CSMD1: variants seen among roughly 807,000 people sequenced by gnomAD.
The protein encoded by CSMD1 is CUB and sushi domain-containing protein 1.
In CSMD1, 213 loss-of-function variants were observed where a neutral mutation model predicts 417.5. The ratio of observed to expected loss-of-function variants is 0.51; its 90% CI spans 0.46 to 0.57. The LOEUF (loss-of-function observed/expected upper bound fraction) is 0.57. Ranked by LOEUF, CSMD1 falls within the 20% of genes least tolerant of loss-of-function variation. The probability of loss-of-function intolerance (pLI) is 0.00; values close to 1 mark genes in which losing one functional copy is unlikely to be tolerated. For synonymous variants in CSMD1, 2,862 were observed against 1,736.8 expected (o/e 1.65, Z -16.11); for missense variants, 6,923 against 4,529.7 (o/e 1.53, Z -15.17).
rs1190901960 is a variant in CSMD1 at position 2,984,971 on chromosome 8, C to G, written c.8378-6171G>C. 2.0e-5 allele frequency among the ~76,000 whole-genome samples: 3 copies of G among 152,132 alleles called. No individual in the cohort carries two copies. The East Asian group carries it at 5.8e-4, about 29-fold the overall frequency. On this transcript the variant is annotated intron_variant, in intron 54 of 69. Coordinates refer to ENST00000635120, the MANE Select transcript of CSMD1 (RefSeq NM_033225.6). ...TTGAAAATGTTTTAAAGTATAACTT[C>G]TTTAAGTTTGAATTTTAAGTTAACA...
At chr8:4,308,695 G>A (rs775219644) in intron 3 of CSMD1, among the ~76,000 whole-genome samples, 1 of 152,166 alleles carries the variant, frequency 6.6e-6, no homozygotes, top group African/African-American at 2.4e-5. Context: ...TGCTTTTGGA[G>A]TTTAATTGCA....
At chr8:4,968,895 T>A (rs1374336568) in intron 1 of CSMD1, among the ~76,000 whole-genome samples, 3 of 152,188 alleles carry the variant, frequency 2.0e-5, no homozygotes, top group East Asian at 1.9e-4. Context: ...GTCTCTCGGG[T>A]TGCCACCAAC....
intron 3 of CSMD1, among the ~76,000 whole-genome samples, chr8:4,401,000 T>C (rs1174797927): frequency 1.3e-5 from 2 of 152,156 alleles, no homozygotes; most frequent in East Asian, 1.9e-4. Flanking sequence ...TTTCTTAACA[T>C]GAAACTGAGT....
intron 2 of CSMD1, among the ~76,000 whole-genome samples, chr8:4,477,017 A>T (rs922937191): frequency 6.6e-6 from 1 of 152,200 alleles, no homozygotes; most frequent in African/African-American, 2.4e-5. Context: ...GGCTGTGGTT[A>T]CAGGGATTTC....
intron 10 of CSMD1, among the ~76,000 whole-genome samples, chr8:3,526,317 AT>A (rs59664767): frequency 0.15 from 22,025 of 150,118 alleles, 1,739 homozygotes; most frequent in Admixed American, 0.23. Flanking sequence ...TTTAAAATAT[AT>A]TTTTTTTTTG....
intron 3 of CSMD1, among the ~76,000 whole-genome samples, chr8:4,348,479 C>T (rs1194709566): frequency 6.6e-6 from 1 of 151,892 alleles, no homozygotes; most frequent in African/African-American, 2.4e-5. Flanking sequence ...CTTCATATTT[C>T]TTTCCACAAA....
At chr8:3,821,712 C>A (rs975678884) in intron 5 of CSMD1, among the ~76,000 whole-genome samples, 12 of 152,066 alleles carry the variant, frequency 7.9e-5, no homozygotes, top group African/African-American at 2.9e-4. Context: ...AACCCAGGAG[C>A]GGGAGGTTGC....
chr8:3,486,498 T>A lies in CSMD1; in HGVS notation c.1448+7125A>T, dbSNP rs77496259. On this transcript the variant is annotated intron_variant, in intron 11 of 69. Coordinates refer to ENST00000635120, the MANE Select transcript of CSMD1 (RefSeq NM_033225.6). ...TTCTGGAAGAGATTCCTGGGTCTTT[T>A]GGGTCTGTAAAAACAGGCATGCATT... Among the ~76,000 whole-genome samples the A allele has an allele frequency of 1.4e-4, 21 of 152,328 alleles. No homozygotes were observed. In the East Asian group the frequency reaches 4.1e-3, roughly 29 times the overall value.
intron 7 of CSMD1, among the ~76,000 whole-genome samples, chr8:3,672,311 G>A (rs79392987): frequency 6.1e-4 from 92 of 151,926 alleles, no homozygotes; most frequent in Non-Finnish European, 1.1e-3. Context: ...AGAATCCTAA[G>A]GTTCTCCCAA....
intron 5 of CSMD1, among the ~76,000 whole-genome samples, chr8:3,941,408 G>A (rs1810874096): frequency 6.6e-6 from 1 of 152,068 alleles, no homozygotes; most frequent in Admixed American, 6.6e-5. Flanking sequence ...GTTTAAAATT[G>A]TAAATATTTC....
intron 1 of CSMD1, among the ~76,000 whole-genome samples, chr8:4,845,059 G>T (rs542936802): frequency 1.2e-3 from 114 of 92,114 alleles, no homozygotes; most frequent in Admixed American, 1.9e-3. Flanking sequence ...ACTAAATAAT[G>T]TAAAAACTAT....
At chr8:3,081,896 T>C (rs1005864887) in intron 49 of CSMD1, among the ~76,000 whole-genome samples, 9 of 152,326 alleles carry the variant, frequency 5.9e-5, no homozygotes, top group East Asian at 1.9e-4. Flanking sequence ...GAGTCACTAC[T>C]GGGGACAGCT....
chr8:4,402,180 C>A (rs1266633023), intron 3 of CSMD1, among the ~76,000 whole-genome samples: 1 of 152,146 alleles, frequency 6.6e-6, no homozygotes, highest in African/African-American at 2.4e-5. Flanking sequence ...ACATCTACTT[C>A]TCCAAAATTG....
chr8:4,657,780 T>G (rs73190831), intron 1 of CSMD1, among the ~76,000 whole-genome samples: 4 of 149,784 alleles, frequency 2.7e-5, no homozygotes, highest in Non-Finnish European at 5.9e-5. Context: ...GAAAAAGACT[T>G]AAACCTACTG....
At chr8:3,565,412 G>C (rs372533258) in intron 10 of CSMD1, among the ~76,000 whole-genome samples, 30 of 152,272 alleles carry the variant, frequency 2.0e-4, no homozygotes, top group East Asian at 3.9e-4. Context: ...TTATAGGAAA[G>C]GGTGGTGTGT....
At chr8:3,926,078 A>C (rs1809664897) in intron 5 of CSMD1, among the ~76,000 whole-genome samples, 1 of 97,458 alleles carries the variant, frequency 1.0e-5, no homozygotes. Context: ...ACACACAAAC[A>C]CCATACACAC....
At chr8:3,833,007 G>A (rs990871270) in intron 5 of CSMD1, among the ~76,000 whole-genome samples, 2 of 152,096 alleles carry the variant, frequency 1.3e-5, no homozygotes, top group African/African-American at 4.8e-5. Context: ...ATATTAAAGT[G>A]TCAGCTGCTA....
chr8:3,802,795 C>G (rs1343686843), intron 5 of CSMD1, among the ~76,000 whole-genome samples: 5 of 152,118 alleles, frequency 3.3e-5, no homozygotes, highest in Non-Finnish European at 7.4e-5. Flanking sequence ...TTTGCTTTAA[C>G]TAAAGAAATG....
At chr8:4,833,353 A>C (rs929733961) in intron 1 of CSMD1, among the ~76,000 whole-genome samples, 36 of 152,152 alleles carry the variant, frequency 2.4e-4, no homozygotes, top group African/African-American at 8.4e-4. Context: ...GTGAAGGAGG[A>C]AGTGCTACAC....
Sources: gnomAD v4.1 joint callset for allele counts (sites outside exome capture counted in the v4.1 genomes callset) on GRCh38, gnomAD v4.1.1 for gene constraint, MANE v1.5 for transcripts, NCBI Gene and HGNC (gene_info 2026-07-23, HGNC 2026-07-21) for gene names.